The following PPP6R2 variants were observed in gnomAD, a reference collection of about 807,000 sequenced individuals.
PPP6R2 encodes the protein serine/threonine-protein phosphatase 6 regulatory subunit 2.
In PPP6R2, 62 loss-of-function variants were observed where a neutral mutation model predicts 100.2. The observed-to-expected ratio is 0.62, with a 90% CI of 0.50 to 0.76. The LOEUF (loss-of-function observed/expected upper bound fraction) is 0.76, where lower values mean the gene tolerates loss of function less well. Among genes scored for constraint, PPP6R2 ranks in the 30% least tolerant of loss-of-function variants. The probability of loss-of-function intolerance (pLI) is 0.00; values close to 1 mark genes in which losing one functional copy is unlikely to be tolerated. For missense variants in PPP6R2, 1,142 were observed against 1,276.3 expected, an observed-to-expected ratio of 0.89 and a Z score of 1.60; for synonymous variants, 525 against 514.7, an observed-to-expected ratio of 1.02 and a Z score of -0.27.
chr22:50,409,728 C>T (rs1263600584), intron 4 of PPP6R2, among the ~76,000 whole-genome samples: 3 of 151,688 alleles, frequency 2.0e-5, no homozygotes, highest in Admixed American at 6.6e-5. Context: ...GCCCGGCCGA[C>T]GATGATGATG....
At chr22:50,413,145 C>T (rs540986480) in intron 4 of PPP6R2, among the ~76,000 whole-genome samples, 18 of 151,538 alleles carry the variant, frequency 1.2e-4, no homozygotes, top group Non-Finnish European at 1.9e-4. Flanking sequence ...TTAGTAGAGA[C>T]GGGGTTTCCT....
At chr22:50,394,246 TA>T in intron 3 of PPP6R2, 111 bp downstream of exon 3, 1 of 1,484,532 alleles carries the variant, frequency 6.7e-7, no homozygotes, top group Non-Finnish European at 9.1e-7. Context: ...AAGCGAGCCG[TA>T]AAAATCCACC....
intron 2 of PPP6R2, among the ~76,000 whole-genome samples, chr22:50,384,276 G>T (rs566571724): frequency 7.9e-5 from 12 of 151,948 alleles, no homozygotes; most frequent in African/African-American, 2.9e-4. Flanking sequence ...ATAAAGAAAA[G>T]AAATTTTAGT....
At chr22:50,435,609 C>T (rs1403870269) in intron 13 of PPP6R2, among the ~76,000 whole-genome samples, 6 of 152,308 alleles carry the variant, frequency 3.9e-5, no homozygotes, top group Admixed American at 6.5e-5. Flanking sequence ...TGTGGCCTCT[C>T]CTCCCTATAC....
chr22:50,366,593 C>T (rs181413651), intron 1 of PPP6R2, among the ~76,000 whole-genome samples: 3 of 152,220 alleles, frequency 2.0e-5, no homozygotes, highest in South Asian at 2.1e-4. Context: ...TGTGAGCCAC[C>T]GCACCCGGCC....
At chr22:50,396,310 C>T (rs1183868458) in intron 3 of PPP6R2, among the ~76,000 whole-genome samples, 1 of 151,098 alleles carries the variant, frequency 6.6e-6, no homozygotes, top group Non-Finnish European at 1.5e-5. Flanking sequence ...GCCTGACCAA[C>T]ATGGTGAAAC....
At chr22:50,353,379 G>C (rs1180134442) in intron 1 of PPP6R2, among the ~76,000 whole-genome samples, 7 of 152,134 alleles carry the variant, frequency 4.6e-5, no homozygotes, top group Non-Finnish European at 8.8e-5. Context: ...AGGAGAGGGG[G>C]AGAGACTCAG....
At chr22:50,387,474 G>T (rs944800805) in intron 2 of PPP6R2, among the ~76,000 whole-genome samples, 1 of 152,146 alleles carries the variant, frequency 6.6e-6, no homozygotes, top group African/African-American at 2.4e-5. Flanking sequence ...CTATGCTCAG[G>T]ATCGACATAG....
At chr22:50,346,662 T>G (rs762193675) in intron 1 of PPP6R2, among the ~76,000 whole-genome samples, 9 of 138,772 alleles carry the variant, frequency 6.5e-5, no homozygotes, top group Non-Finnish European at 1.1e-4. Flanking sequence ...CAGTGCCCCT[T>G]GCAAGTCATG....
upstream of PPP6R2, among the ~76,000 whole-genome samples, chr22:50,340,140 TGTGTG>T (rs1569219375): frequency 5.7e-5 from 5 of 87,154 alleles, no homozygotes; most frequent in South Asian, 5.9e-4. Context: ...GTGTGTACAG[TGTGTG>T]GTGTGTGTAG....
At chr22:50,342,824 G>A (rs904668762), upstream of PPP6R2, among the ~76,000 whole-genome samples, 3 of 152,170 alleles carry the variant, frequency 2.0e-5, no homozygotes, top group African/African-American at 7.2e-5. Context: ...AGGCACTCCG[G>A]GTCCAGGCAG....
At chr22:50,373,562 T>A (rs993184564) in intron 2 of PPP6R2, among the ~76,000 whole-genome samples, 1 of 150,554 alleles carries the variant, frequency 6.6e-6, no homozygotes, top group Non-Finnish European at 1.5e-5. Flanking sequence ...TATTCTTTAT[T>A]TTTTTTCAAG....
chr22:50,339,868 TGTGTG>T (rs1487153916), upstream of PPP6R2, among the ~76,000 whole-genome samples: 6 of 127,702 alleles, frequency 4.7e-5, no homozygotes, highest in East Asian at 2.5e-4. Context: ...ATGTAGTGTG[TGTGTG>T]GTGTGGTGTG....
chr22:50,347,410 TC>T (rs1239722714), intron 1 of PPP6R2, among the ~76,000 whole-genome samples: 1 of 151,900 alleles, frequency 6.6e-6, no homozygotes, highest in Non-Finnish European at 1.5e-5. Context: ...CCTGTCGCGC[TC>T]CCCATCACGG....
chr22:50,385,269 C>T (rs2053969623), intron 2 of PPP6R2, among the ~76,000 whole-genome samples: 1 of 152,126 alleles, frequency 6.6e-6, no homozygotes, highest in Non-Finnish European at 1.5e-5. Flanking sequence ...GATTTAGACT[C>T]ACTGCAGCCT....
At chr22:50,357,126 T>C (rs2046774098) in intron 1 of PPP6R2, among the ~76,000 whole-genome samples, 1 of 152,170 alleles carries the variant, frequency 6.6e-6, no homozygotes, top group Admixed American at 6.6e-5. Flanking sequence ...TGAATTATGA[T>C]GGTGAGCAAC....
chr22:50,443,852 T>C lies in PPP6R2; in HGVS notation c.2580-14T>C, dbSNP rs745750873. 15 of 1,563,778 alleles carry C rather than the reference T, an allele frequency of 9.6e-6. No individual in the cohort carries two copies. The highest frequency in any genetic ancestry group is 9.2e-5 in the South Asian group (8 of 86,722). On this transcript the variant is annotated splice_polypyrimidine_tract_variant and intron_variant, in intron 22 of 23. Transcript: ENST00000612753. ...TGGGGGTGCCCGTAACCGGAGTCCA[T>C]GTTTGCCACACAGGGTCGGGTGTGC...
intron 2 of PPP6R2, among the ~76,000 whole-genome samples, chr22:50,372,581 G>T (rs2050467236): frequency 6.6e-6 from 1 of 152,024 alleles, no homozygotes; most frequent in African/African-American, 2.4e-5. Flanking sequence ...AAAAACAGAT[G>T]TGCTCATGGT....
At chr22:50,415,682 G>A (rs748984065) in intron 5 of PPP6R2, among the ~76,000 whole-genome samples, 20 of 152,370 alleles carry the variant, frequency 1.3e-4, no homozygotes, top group Admixed American at 4.6e-4. Context: ...CACAGTGTTC[G>A]TGTAGCCTCT....
Sources: allele counts gnomAD v4.1 joint callset (sites outside exome capture counted in the v4.1 genomes callset), GRCh38; gene constraint gnomAD v4.1.1; transcripts MANE v1.5; gene names NCBI Gene and HGNC (gene_info 2026-07-23, HGNC 2026-07-21).